SOCS7: variants seen among roughly 807,000 people sequenced by gnomAD.
The protein encoded by SOCS7 is NAP-4.
In SOCS7, 18 loss-of-function variants were observed where a neutral mutation model predicts 58.9. That is an observed-to-expected ratio of 0.31 (90% CI 0.21 to 0.45). The LOEUF (loss-of-function observed/expected upper bound fraction) is 0.45, where lower values mean the gene tolerates loss of function less well. Ranked by LOEUF, SOCS7 falls within the 20% of genes least tolerant of loss-of-function variation. SOCS7 has a pLI of 1.00. For synonymous variants in SOCS7, 388 were observed against 364.3 expected (o/e 1.06, Z -0.74); for missense variants, 667 against 837.3 (o/e 0.80, Z 2.51).
chr17:38,387,654 ATT>A (rs2038096742), intron 7 of SOCS7, among the ~76,000 whole-genome samples: 19 of 136,816 alleles, frequency 1.4e-4, no homozygotes, highest in African/African-American at 4.4e-4. Flanking sequence ...TACACTATAT[ATT>A]GTATATATTA....
rs1444071732 is a variant in SOCS7, at chr17:38,352,737, C to T, written c.685C>T (p.Pro229Ser). 2 of 1,549,898 alleles carry T rather than the reference C, an allele frequency of 1.3e-6. No individual in the cohort carries two copies. Among genetic ancestry groups the T allele is most frequent in the East Asian group, 2.4e-5 (1 of 40,928 alleles). ...PGPELPPVPF[P>S]LQDLVPLGRL... The stretch of plus-strand genomic sequence containing the variant: ...CCCTGAATTACCTCCGGTGCCCTTC[C>T]CGCTGCAGGACTTGGTCCCTCTGGG... The change falls in exon 1 of 10, where the codon CCG becomes TCG. Residue 229 changes from proline (P) to serine (S), a missense_variant. By Grantham distance (74) the Pro-to-Ser change is moderately conservative (BLOSUM62 -1). Transcript: ENST00000612932. This position sits in a 1 kb window ranked among gnomAD's most constrained non-coding sequence, Gnocchi z 5.5.
chr17:38,362,984 G>T (rs375438570), intron 2 of SOCS7, among the ~76,000 whole-genome samples: 1 of 152,026 alleles, frequency 6.6e-6, no homozygotes, highest in East Asian at 1.9e-4. Context: ...GCATGGTGCC[G>T]CACGCCTGTA....
At chr17:38,376,661 A>G (rs2037934759) in intron 6 of SOCS7, among the ~76,000 whole-genome samples, 1 of 151,822 alleles carries the variant, frequency 6.6e-6, no homozygotes, top group African/African-American at 2.4e-5. Flanking sequence ...GAACCCAGCA[A>G]GTGGAGGTTG....
intron 9 of SOCS7, 74 bp downstream of exon 9, chr17:38,396,072 C>A: frequency 1.6e-6 from 2 of 1,269,738 alleles, no homozygotes; most frequent in Non-Finnish European, 2.1e-6. Context: ...AGCCTTGGGC[C>A]CCCTCCCCAC....
At chr17:38,369,522 C>A (rs1246159305) in intron 6 of SOCS7, among the ~76,000 whole-genome samples, 2 of 152,126 alleles carry the variant, frequency 1.3e-5, no homozygotes, top group Non-Finnish European at 2.9e-5. Flanking sequence ...AGGAAAAAAA[C>A]AAAATGTGAA....
chr17:38,361,134 C>T (rs1048929367), intron 1 of SOCS7, among the ~76,000 whole-genome samples: 1 of 152,246 alleles, frequency 6.6e-6, no homozygotes, highest in African/African-American at 2.4e-5. Flanking sequence ...GGCAGAGCCC[C>T]TAATCTGAGG....
intron 7 of SOCS7, among the ~76,000 whole-genome samples, chr17:38,382,848 T>C (rs1290673853): frequency 6.6e-6 from 1 of 152,182 alleles, no homozygotes; most frequent in Non-Finnish European, 1.5e-5. Flanking sequence ...GTTAAGTTTA[T>C]AATTACTTGT....
chr17:38,389,894 TATATACAC>T (rs1488640220), intron 7 of SOCS7, among the ~76,000 whole-genome samples: 16 of 93,120 alleles, frequency 1.7e-4, no homozygotes, highest in African/African-American at 8.8e-4. Flanking sequence ...TACATATATA[TATATACAC>T]ATATAGAGAG....
In SOCS7 at chr17:38,399,586, A is replaced by G. The variant is rs1280531062; in HGVS notation, c.*104A>G. The G allele has an allele frequency of 6.6e-6, 1 of 152,628 alleles. No individual in the cohort carries two copies. Among genetic ancestry groups the G allele is most frequent in the Admixed American group, 6.5e-5 (1 of 15,282 alleles). The allele number at this position is 152,628 out of a possible 1,614,324, so 9.5% of individuals were successfully genotyped here. On this transcript the variant is annotated 3_prime_UTR_variant, in exon 10 of 10. Coordinates refer to ENST00000612932, the MANE Select transcript of SOCS7 (RefSeq NM_014598.4). ...TGAAAAGAAGAGGAAAAGTGAGGGA[A>G]CAGGAAGGTTGGGATTCTCTGTGCA... is the stretch of plus-strand genomic sequence containing the variant.
In SOCS7 at chr17:38,352,995, A is replaced by C. The variant is rs762433104; in HGVS notation, c.943A>C (p.Met315Leu). 3 of 1,602,384 alleles carry C rather than the reference A, an allele frequency of 1.9e-6. No homozygotes were observed. Among genetic ancestry groups the C allele is most frequent in the Non-Finnish European group, 2.6e-6 (3 of 1,175,674 alleles). Residue 315 changes from methionine (M) to leucine (L), a missense_variant, in exon 1 of 10, where the codon ATG becomes CTG. Met to Leu is a conservative substitution (Grantham distance 15). Coordinates refer to ENST00000612932, the MANE Select transcript of SOCS7 (RefSeq NM_014598.4). The surrounding 1 kb of genome is among the most constrained non-coding windows in gnomAD (Gnocchi z 5.5). The part of the protein sequence containing the change: ...LAASAASLTD[M>L]GGSAGRELDA... ...TGCTTCAGCTGCGAGCCTGACAGAC[A>C]TGGGAGGCTCTGCGGGCCGGGAGCT...
intron 7 of SOCS7, among the ~76,000 whole-genome samples, chr17:38,384,278 T>G (rs142062433): frequency 6.6e-6 from 1 of 152,132 alleles, no homozygotes; most frequent in African/African-American, 2.4e-5. Flanking sequence ...TGCATATTAG[T>G]GTTTAGTGTT....
intron 4 of SOCS7, 55 bp downstream of exon 4, chr17:38,365,464 T>G (rs960833089): frequency 4.3e-6 from 5 of 1,163,460 alleles, no homozygotes; most frequent in Non-Finnish European, 4.9e-6. Context: ...AAGTGATACT[T>G]TCTACCATAG....
intron 6 of SOCS7, among the ~76,000 whole-genome samples, chr17:38,374,466 C>T (rs771112211): frequency 9.9e-5 from 15 of 152,056 alleles, no homozygotes; most frequent in African/African-American, 1.4e-4. Context: ...GTGATCATGC[C>T]ACTGCACTCC....
At chr17:38,358,081 C>T (rs1555567052) in intron 1 of SOCS7, among the ~76,000 whole-genome samples, 3 of 152,196 alleles carry the variant, frequency 2.0e-5, no homozygotes, top group Admixed American at 2.0e-4. Context: ...GCCTCAAAGA[C>T]CTTTGCCTAA....
At chr17:38,383,637 A>C (rs1192270218) in intron 7 of SOCS7, among the ~76,000 whole-genome samples, 1 of 152,038 alleles carries the variant, frequency 6.6e-6, no homozygotes, top group African/African-American at 2.4e-5. Flanking sequence ...GGCTCATCGC[A>C]ACCTCTGCCT....
chr17:38,397,468 T>C (rs983429924), intron 9 of SOCS7, among the ~76,000 whole-genome samples: 1 of 152,238 alleles, frequency 6.6e-6, no homozygotes, highest in African/African-American at 2.4e-5. Flanking sequence ...TTTATACCTC[T>C]AGGTCCCCTT....
chr17:38,384,326 CAG>C (rs549801616), intron 7 of SOCS7, among the ~76,000 whole-genome samples: 52 of 152,226 alleles, frequency 3.4e-4, no homozygotes, highest in African/African-American at 1.2e-3. Flanking sequence ...TGTTTTGAGA[CAG>C]GGTCTCACTC....
Position 38,352,280 on chromosome 17 carries a change from G to A in SOCS7, c.228G>A (p.Glu76=). The A allele has an allele frequency of 6.7e-7, 1 of 1,485,212 alleles. No homozygotes were observed. The allele number at this position is 1,485,212 out of a possible 1,614,324, so 92.0% of individuals were successfully genotyped here. The change falls in exon 1 of 10, where the codon GAG becomes GAA. Residue 76 remains glutamate, a synonymous_variant. Transcript: ENST00000612932. The surrounding 1 kb of genome is among the most constrained non-coding windows in gnomAD (Gnocchi z 5.5). ...VFRNVGRPPE[E]EDVEAAPEPG... The stretch of plus-strand genomic sequence containing the variant: ...GCAACGTGGGTCGGCCGCCGGAGGA[G>A]GAGGACGTGGAGGCGGCCCCGGAGC...
chr17:38,374,080 G>A lies in SOCS7; in HGVS notation c.1553-3634G>A, dbSNP rs1597696615. On this transcript the variant is annotated intron_variant, in intron 6 of 9. Transcript: ENST00000612932. ...TACTAAAAATACAAAAATTAGCCAG[G>A]CTGGTGGCACGCGCCTGTGATCCCA... is the stretch of plus-strand genomic sequence containing the variant. Among the ~76,000 whole-genome samples, 3 of 152,016 alleles carry A rather than the reference G, an allele frequency of 2.0e-5. No individual in the cohort carries two copies. In the East Asian group the frequency reaches 5.8e-4, roughly 29 times the overall value.
Sources: gnomAD v4.1 joint callset for allele counts (sites outside exome capture counted in the v4.1 genomes callset) on GRCh38, gnomAD v4.1.1 for gene constraint, Gnocchi (gnomAD v3.1) non-coding constraint, MANE v1.5 for transcripts, NCBI Gene and HGNC (gene_info 2026-07-23, HGNC 2026-07-21) for gene names.